DRC1: variants seen among roughly 807,000 people sequenced by gnomAD.
DRC1 encodes the protein dynein regulatory complex subunit 1.
In DRC1, 74 loss-of-function variants were observed where a neutral mutation model predicts 98.7. The ratio of observed to expected loss-of-function variants is 0.75; its 90% CI spans 0.62 to 0.91. The LOEUF is 0.91. Ranked by LOEUF, DRC1 falls within the 40% of genes least tolerant of loss-of-function variation. DRC1 has a pLI of 0.00. For missense variants in DRC1, 875 were observed against 886.0 expected, an observed-to-expected ratio of 0.99 and a Z score of 0.16; for synonymous variants, 336 against 334.1, an observed-to-expected ratio of 1.01 and a Z score of -0.06.
Position 26,430,588 on chromosome 2 carries a change from C to T in DRC1, c.679-198C>T, listed in dbSNP as rs774673470. The T allele has an allele frequency of 8.8e-6, 6 of 684,764 alleles. No homozygotes were observed. The African/African-American group carries it at 8.8e-5, about 10-fold the overall frequency. The allele number at this position is 684,764 out of a possible 1,614,324, so 42.4% of individuals were successfully genotyped here. A position where few individuals can be genotyped will look rare whatever the true frequency, so the allele number is the denominator to read the frequency against. On this transcript the variant is annotated intron_variant, in intron 5 of 16. Transcript: ENST00000288710. ...CATCTCCTCTCCGCATTTGGAGTAT[C>T]GTCTTCATAATGCTAATTTCCATGC... is the stretch of plus-strand genomic sequence containing the variant.
intron 2 of DRC1, 146 bp from the exon 3 acceptor site, chr2:26,421,142 G>A: frequency 1.7e-6 from 1 of 584,570 alleles, no homozygotes; most frequent in Non-Finnish European, 3.0e-6. Flanking sequence ...TTGCTACACA[G>A]AGGCTACTCT....
At chr2:26,453,177 C>A in intron 13 of DRC1, 143 bp from the exon 14 acceptor site, 1 of 921,978 alleles carries the variant, frequency 1.1e-6, no homozygotes, top group Non-Finnish European at 1.7e-6. Context: ...CACTCTTTCT[C>A]CTGTTTCTGT....
chr2:26,431,450 A>C (rs566662546), intron 6 of DRC1, among the ~76,000 whole-genome samples: 104 of 152,180 alleles, frequency 6.8e-4, no homozygotes, highest in Middle Eastern at 6.8e-3. Context: ...CCCAGCTGTG[A>C]ATATTCATGG....
intron 2 of DRC1, among the ~76,000 whole-genome samples, chr2:26,418,559 T>A (rs1463363143): frequency 2.9e-5 from 3 of 104,524 alleles, no homozygotes; most frequent in Non-Finnish European, 3.4e-5. Flanking sequence ...ATATATAATT[T>A]ATATATAATA....
At chr2:26,438,122 C>G (rs974749903) in intron 7 of DRC1, among the ~76,000 whole-genome samples, 10 of 146,662 alleles carry the variant, frequency 6.8e-5, no homozygotes, top group Non-Finnish European at 1.3e-4. Context: ...GGATTCTGTA[C>G]CATTAAAATG....
chr2:26,424,571 A>G, intron 4 of DRC1, 117 bp downstream of exon 4: 1 of 1,045,690 alleles, frequency 9.6e-7, no homozygotes, highest in Non-Finnish European at 1.4e-6. Flanking sequence ...CATTATTTAG[A>G]ATGCTGTACA....
At chr2:26,418,114 T>A (rs752807055) in intron 2 of DRC1, among the ~76,000 whole-genome samples, 7 of 152,078 alleles carry the variant, frequency 4.6e-5, no homozygotes, top group Non-Finnish European at 7.4e-5. Flanking sequence ...AGTAGACTTG[T>A]CCCATGTCCC....
chr2:26,402,178 C>A, intron 1 of DRC1, 34 bp downstream of exon 1: 1 of 1,532,600 alleles, frequency 6.5e-7, no homozygotes, highest in Non-Finnish European at 8.7e-7. Flanking sequence ...GGGATCCGCG[C>A]CGCAGGAGCC....
chr2:26,430,952 T>TTA, intron 6 of DRC1, 80 bp downstream of exon 6: 68 of 1,154,636 alleles, frequency 5.9e-5, no homozygotes, highest in Middle Eastern at 2.7e-4. Context: ...GCTAGCCTTT[T>TTA]TCTATCTTTT....
Position 26,430,804 on chromosome 2 carries a change from C to G in DRC1, c.697C>G (p.Arg233Gly). The G allele has an allele frequency of 6.2e-7, 1 of 1,614,022 alleles. No individual in the cohort carries two copies. Among genetic ancestry groups the G allele is most frequent in the East Asian group, 2.2e-5 (1 of 44,890 alleles). ...GTCGTAGAAAGCATTTGAGGTGGAACGCCAAGAGCTACTGGCCAGTAATAA... is the reference window on the plus strand; with the variant it reads ...GTCGTAGAAAGCATTTGAGGTGGAAGGCCAAGAGCTACTGGCCAGTAATAA... Reference protein sequence around the residue: ...YNIEKAFEVERQELLASNKKK... With the variant: ...YNIEKAFEVEGQELLASNKKK... Residue 233 changes from arginine (R) to glycine (G), a missense_variant, in exon 6 of 17, where the codon CGC (arginine) becomes GGC (glycine). By Grantham distance (125) the Arg-to-Gly change is moderately radical (BLOSUM62 -2). Transcript: ENST00000288710.
intron 13 of DRC1, among the ~76,000 whole-genome samples, chr2:26,452,547 T>C (rs1664033793): frequency 6.6e-6 from 1 of 152,266 alleles, no homozygotes; most frequent in Non-Finnish European, 1.5e-5. Context: ...TTTTATTCTC[T>C]AAATATATCT....
intron 8 of DRC1, 106 bp from the exon 9 acceptor site, chr2:26,444,116 A>G (rs746954357): frequency 2.9e-5 from 44 of 1,512,316 alleles, no homozygotes; most frequent in Non-Finnish European, 3.8e-5. Context: ...CTGCTCTTCC[A>G]CAGATCTGCT....
intron 1 of DRC1, among the ~76,000 whole-genome samples, chr2:26,411,122 A>G (rs1678594500): frequency 6.6e-6 from 1 of 152,172 alleles, no homozygotes; most frequent in Non-Finnish European, 1.5e-5. Context: ...CCAAAAGAGG[A>G]CTCAGCCCCC....
intron 14 of DRC1, 88 bp downstream of exon 14, chr2:26,453,637 A>G: frequency 3.7e-6 from 5 of 1,353,104 alleles, no homozygotes; most frequent in Non-Finnish European, 5.1e-6. Context: ...GTGAGTGGAG[A>G]AGAGTCTGCT....
chr2:26,448,245 A>G, intron 10 of DRC1: 1 of 369,130 alleles, frequency 2.7e-6, no homozygotes, highest in South Asian at 2.1e-5. Context: ...AAAAAAAATT[A>G]TCTGTGAATG....
At chr2:26,434,163 C>G (rs1325471140) in intron 7 of DRC1, among the ~76,000 whole-genome samples, 1 of 151,860 alleles carries the variant, frequency 6.6e-6, no homozygotes, top group Non-Finnish European at 1.5e-5. Context: ...TTGCAAACCA[C>G]AAAAATAGGA....
intron 4 of DRC1, among the ~76,000 whole-genome samples, chr2:26,428,792 T>G (rs7601668): frequency 6.6e-6 from 1 of 151,502 alleles, no homozygotes; most frequent in African/African-American, 2.4e-5. Context: ...AGCAAGACTC[T>G]GTCTCAAAAA....
rs1298534120 is a variant in DRC1, at chr2:26,424,304, C to T, written c.390C>T (p.Ser130=). 1.9e-6 allele frequency: 3 copies of T among 1,613,830 alleles called. No individual in the cohort carries two copies. The highest frequency in any genetic ancestry group is 2.5e-6 in the Non-Finnish European group (3 of 1,179,996). The change falls in exon 4 of 17, where the codon AGC becomes AGT. Residue 130 remains serine (S), a synonymous_variant. Coordinates refer to ENST00000288710, the MANE Select transcript of DRC1 (RefSeq NM_145038.5). Reference sequence around the variant, plus strand: ...AGCTGGAGAATGAAGTTAAGACCAGCCAGGACAAATTCGATGAAATCACCT... The same window carrying T: ...AGCTGGAGAATGAAGTTAAGACCAGTCAGGACAAATTCGATGAAATCACCT... ...IEKLENEVKT[S]QDKFDEITSK... is the part of the protein sequence containing the mutation.
intron 2 of DRC1, 52 bp downstream of exon 2, chr2:26,414,483 C>T: frequency 6.5e-7 from 1 of 1,539,984 alleles, no homozygotes; most frequent in South Asian, 1.1e-5. Flanking sequence ...CTGGGTGTGA[C>T]ATCATGGTTT....
Sources: allele counts gnomAD v4.1 joint callset (sites outside exome capture counted in the v4.1 genomes callset), GRCh38; gene constraint gnomAD v4.1.1; transcripts MANE v1.5; gene names NCBI Gene and HGNC (gene_info 2026-07-23, HGNC 2026-07-21).